Variants in GNG7 observed in about 807,000 individuals in gnomAD.
GNG7 encodes G protein subunit gamma 7, also known as guanine nucleotide-binding protein G(I)/G(S)/G(O) subunit gamma-7.
In GNG7, 1 loss-of-function variant was observed where a neutral mutation model predicts 4.0. The observed-to-expected ratio is 0.25, with a 90% CI of 0.09 to 1.18. GNG7 has a LOEUF of 1.18. Among genes scored for constraint, GNG7 ranks in the 50% most tolerant of loss-of-function variants. GNG7 has a pLI of 0.50. For synonymous variants in GNG7, 34 were observed against 36.9 expected, an observed-to-expected ratio of 0.92 and a Z score of 0.29; for missense variants, 86 against 91.9, an observed-to-expected ratio of 0.94 and a Z score of 0.26.
At chr19:2,601,420 C>A (rs1319302216) in intron 2 of GNG7, among the ~76,000 whole-genome samples, 1 of 152,132 alleles carries the variant, frequency 6.6e-6, no homozygotes, top group Non-Finnish European at 1.5e-5. Flanking sequence ...GCGGCTCGTG[C>A]CTATTGCAGA....
chr19:2,590,329 C>T (rs1410435921), intron 2 of GNG7, among the ~76,000 whole-genome samples: 1 of 152,124 alleles, frequency 6.6e-6, no homozygotes, highest in Non-Finnish European at 1.5e-5. Flanking sequence ...GGGCACATAA[C>T]AATTTTCCAT....
chr19:2,542,086 T>C (rs1978979355), intron 3 of GNG7, among the ~76,000 whole-genome samples: 1 of 144,022 alleles, frequency 6.9e-6, no homozygotes, highest in Non-Finnish European at 1.5e-5. Context: ...GCTAGGCTCA[T>C]GGGAGGCAGC....
At chr19:2,701,772 C>T (rs922613893) in intron 1 of GNG7, among the ~76,000 whole-genome samples, 1 of 150,654 alleles carries the variant, frequency 6.6e-6, no homozygotes, top group Non-Finnish European at 1.5e-5. Context: ...AGAAGCTGCA[C>T]CCTTGACTCA....
In GNG7 at chr19:2,551,669, T is replaced by TAA. The variant is rs113818458; in HGVS notation, c.-38+3478_-38+3479dup. On this transcript the variant is annotated intron_variant, in intron 3 of 4. Coordinates refer to ENST00000382159, the MANE Select transcript of GNG7 (RefSeq NM_052847.3). ...CATATTTATAAATAAAATATATATT[T>TAA]AAAAAATATATATATATACACACAC... is the stretch of plus-strand genomic sequence containing the variant. Among the ~76,000 whole-genome samples, 902 of 113,566 alleles carry TAA rather than the reference T, an allele frequency of 7.9e-3. 11 individuals are homozygous for TAA. The highest frequency in any genetic ancestry group is 0.029 in the African/African-American group (829 of 28,378). 74.5% of individuals were successfully genotyped at this position (113,566 alleles called of 152,430 possible). A position where few individuals can be genotyped will look rare whatever the true frequency, so the allele number is the denominator to read the frequency against.
At chr19:2,560,634 C>T (rs1402879509) in intron 2 of GNG7, among the ~76,000 whole-genome samples, 1 of 152,174 alleles carries the variant, frequency 6.6e-6, no homozygotes, top group Non-Finnish European at 1.5e-5. Flanking sequence ...CCCCGATGTC[C>T]ACAGGGCCTG....
At chr19:2,555,808 G>A (rs1171244254) in intron 2 of GNG7, among the ~76,000 whole-genome samples, 1 of 152,190 alleles carries the variant, frequency 6.6e-6, no homozygotes, top group African/African-American at 2.4e-5. Context: ...GGGGCCTTTG[G>A]AGCTGCGGTT....
chr19:2,550,206 C>A (rs186594303), intron 3 of GNG7, among the ~76,000 whole-genome samples: 29 of 152,234 alleles, frequency 1.9e-4, no homozygotes, highest in African/African-American at 6.5e-4. Flanking sequence ...CATCCAGCCC[C>A]CGTGGCGACC....
intron 3 of GNG7, among the ~76,000 whole-genome samples, chr19:2,540,403 C>G (rs545727945): frequency 6.6e-6 from 1 of 152,310 alleles, no homozygotes; most frequent in Non-Finnish European, 1.5e-5. Context: ...CCTCCTGCCT[C>G]AGCCTCCCAA....
chr19:2,645,943 C>T (rs546981245), intron 2 of GNG7, among the ~76,000 whole-genome samples: 7 of 152,148 alleles, frequency 4.6e-5, no homozygotes, highest in Admixed American at 2.6e-4. Flanking sequence ...CATGCAGCAC[C>T]GCTGTGGGCT....
intron 1 of GNG7, among the ~76,000 whole-genome samples, chr19:2,664,694 G>T (rs1983261219): frequency 6.6e-6 from 1 of 152,174 alleles, no homozygotes; most frequent in African/African-American, 2.4e-5. Flanking sequence ...GCCCCATCGG[G>T]AATCTATTCT....
chr19:2,528,170 C>T (rs1978471158), intron 3 of GNG7, among the ~76,000 whole-genome samples: 1 of 150,448 alleles, frequency 6.6e-6, no homozygotes. Context: ...ACTCAGGAGG[C>T]TGAGGCACAA....
intron 1 of GNG7, among the ~76,000 whole-genome samples, chr19:2,657,065 G>A (rs1386380643): frequency 1.3e-5 from 2 of 151,706 alleles, no homozygotes; most frequent in Non-Finnish European, 2.9e-5. Flanking sequence ...CAGGCGCGGT[G>A]GCTCATGCCT....
At chr19:2,587,824 C>T (rs1386463480) in intron 2 of GNG7, among the ~76,000 whole-genome samples, 1 of 147,734 alleles carries the variant, frequency 6.8e-6, no homozygotes, top group Non-Finnish European at 1.5e-5. Flanking sequence ...CTGGGCGACA[C>T]AGCAAGACTC....
At position 2,527,687 on chromosome 19, in the gene GNG7, G is replaced by A. The variant is rs931855432; in HGVS notation, c.-37-6962C>T. ...CTCCAGTACAGGCCCTCTCCCTCTG[G>A]CTGGATCCTTTTCTGGGGTGGGGCT... On this transcript the variant is annotated intron_variant, in intron 3 of 4. Transcript: ENST00000382159. Among the ~76,000 whole-genome samples the A allele has an allele frequency of 3.3e-5, 5 of 152,162 alleles. No individual in the cohort carries two copies. The East Asian group carries it at 9.6e-4, about 29-fold the overall frequency.
chr19:2,625,980 G>T (rs1468916082), intron 2 of GNG7, among the ~76,000 whole-genome samples: 9 of 152,002 alleles, frequency 5.9e-5, no homozygotes, highest in Admixed American at 5.9e-4. Context: ...TAGAGATGGG[G>T]TTTCACTATG....
At chr19:2,693,096 G>T (rs964483308) in intron 1 of GNG7, among the ~76,000 whole-genome samples, 1 of 151,878 alleles carries the variant, frequency 6.6e-6, no homozygotes, top group Non-Finnish European at 1.5e-5. Flanking sequence ...TTCAAGACCA[G>T]CCTGGGCAAC....
chr19:2,595,988 C>T (rs577873953), intron 2 of GNG7, among the ~76,000 whole-genome samples: 35 of 152,228 alleles, frequency 2.3e-4, no homozygotes, highest in Non-Finnish European at 4.0e-4. Flanking sequence ...GGCGACTCTA[C>T]GCTGCATGCT....
At chr19:2,701,598 C>A (rs745566233) in intron 1 of GNG7, among the ~76,000 whole-genome samples, 3 of 150,722 alleles carry the variant, frequency 2.0e-5, no homozygotes, top group Non-Finnish European at 3.0e-5. Context: ...TCAATCACAC[C>A]CCCCCATCTT....
In GNG7 at chr19:2,546,442, G is replaced by C. The variant is rs1213274370; in HGVS notation, c.-38+8707C>G. Reference sequence around the variant, plus strand: ...CCGTGGGGCCCAGGGCTGCGGGCGGGAGGGCCTCTGCCACATGGAAGGGAG... The same window carrying C: ...CCGTGGGGCCCAGGGCTGCGGGCGGCAGGGCCTCTGCCACATGGAAGGGAG... On this transcript the variant is annotated intron_variant, in intron 3 of 4. Transcript: ENST00000382159. This position sits in a 1 kb window ranked among gnomAD's most constrained non-coding sequence, Gnocchi z 6.3. Among the ~76,000 whole-genome samples, 3 of 152,262 alleles carry C rather than the reference G, an allele frequency of 2.0e-5. No individual in the cohort carries two copies. The highest frequency in any genetic ancestry group is 7.2e-5 in the African/African-American group (3 of 41,474).
Sources: allele counts gnomAD v4.1 joint callset (sites outside exome capture counted in the v4.1 genomes callset), GRCh38; gene constraint gnomAD v4.1.1; non-coding constraint Gnocchi (gnomAD v3.1); transcripts MANE v1.5; gene names NCBI Gene and HGNC (gene_info 2026-07-23, HGNC 2026-07-21).